The following NPAS3 variants were observed in gnomAD, a reference collection of about 807,000 sequenced individuals.
NPAS3 encodes neuronal PAS domain-containing protein 3.
A neutral mutation model predicts 73.1 loss-of-function variants in NPAS3; 14 were observed. That is an observed-to-expected ratio of 0.19 (90% confidence interval 0.13 to 0.30). NPAS3 has a LOEUF of 0.30. Ranked by LOEUF, NPAS3 falls within the 10% of genes least tolerant of loss-of-function variation. The pLI is 1.00. For synonymous variants in NPAS3, 620 were observed against 541.5 expected (o/e 1.14, Z -2.01); for missense variants, 1,096 against 1,250.0 (o/e 0.88, Z 1.86).
intron 4 of NPAS3, among the ~76,000 whole-genome samples, chr14:33,499,724 C>A (rs1162749371): frequency 6.6e-6 from 1 of 151,962 alleles, no homozygotes; most frequent in Non-Finnish European, 1.5e-5. Context: ...TGATGCCCAG[C>A]CCTCTGATAT....
At chr14:33,116,985 AC>A (rs1160096560) in intron 2 of NPAS3, among the ~76,000 whole-genome samples, 1 of 152,138 alleles carries the variant, frequency 6.6e-6, no homozygotes, top group African/African-American at 2.4e-5. Flanking sequence ...TTGCTTTGTA[AC>A]AGAATATCAC....
chr14:33,660,523 G>T (rs1292217228), intron 5 of NPAS3, among the ~76,000 whole-genome samples: 7 of 152,120 alleles, frequency 4.6e-5, no homozygotes, highest in Non-Finnish European at 7.4e-5. Flanking sequence ...TTGCAAAAGG[G>T]TTTAATCAAC....
At chr14:33,543,989 A>ATATATATATATATC (rs1566988576) in intron 4 of NPAS3, among the ~76,000 whole-genome samples, 32 of 37,280 alleles carry the variant, frequency 8.6e-4, no homozygotes, top group Non-Finnish European at 1.3e-3. Flanking sequence ...ATATATATAT[A>ATATATATATATATC]TATATATATA....
At chr14:33,220,766 AT>A (rs1310835885) in intron 3 of NPAS3, among the ~76,000 whole-genome samples, 1 of 152,176 alleles carries the variant, frequency 6.6e-6, no homozygotes, top group Non-Finnish European at 1.5e-5. Context: ...AAAATATTAT[AT>A]ATAGCATTGC....
At chr14:33,707,325 G>A (rs930132556) in intron 6 of NPAS3, among the ~76,000 whole-genome samples, 1 of 139,778 alleles carries the variant, frequency 7.2e-6, no homozygotes, top group Non-Finnish European at 1.6e-5. Context: ...AAGAGCAGCT[G>A]GTTTCTTTTT....
intron 6 of NPAS3, among the ~76,000 whole-genome samples, chr14:33,679,577 G>C (rs4453377): frequency 2.8e-4 from 42 of 152,270 alleles, no homozygotes; most frequent in Middle Eastern, 3.4e-3. Context: ...GTGTAATTTA[G>C]TTGGGAAAGG....
intron 3 of NPAS3, among the ~76,000 whole-genome samples, chr14:33,220,363 T>C (rs1470363825): frequency 6.6e-6 from 1 of 152,092 alleles, no homozygotes; most frequent in Non-Finnish European, 1.5e-5. Context: ...ATTTTGGGAG[T>C]GAGTGCCAGG....
At chr14:33,518,866 G>A (rs559872402) in intron 4 of NPAS3, among the ~76,000 whole-genome samples, 1 of 152,196 alleles carries the variant, frequency 6.6e-6, no homozygotes, top group East Asian at 1.9e-4. Flanking sequence ...CAGGAGGGTA[G>A]GAGCTATATT....
At chr14:33,118,013 A>C (rs912021004) in intron 2 of NPAS3, among the ~76,000 whole-genome samples, 1 of 152,076 alleles carries the variant, frequency 6.6e-6, no homozygotes, top group African/African-American at 2.4e-5. Context: ...TATTTCATCA[A>C]GGTCAATGTT....
At chr14:33,509,603 C>T (rs541512468) in intron 4 of NPAS3, among the ~76,000 whole-genome samples, 2 of 152,088 alleles carry the variant, frequency 1.3e-5, no homozygotes, top group African/African-American at 4.8e-5. Context: ...GTGCATTAGG[C>T]TCAGTTAAGG....
At chr14:33,158,194 A>T (rs919774370) in intron 2 of NPAS3, among the ~76,000 whole-genome samples, 1 of 152,198 alleles carries the variant, frequency 6.6e-6, no homozygotes, top group African/African-American at 2.4e-5. Context: ...ACTGTGGTTG[A>T]TCTTTGTTAA....
intron 1 of NPAS3, among the ~76,000 whole-genome samples, chr14:33,054,385 G>A (rs2040810725): frequency 6.6e-6 from 1 of 152,140 alleles, no homozygotes. Context: ...AGAATTTAAT[G>A]AGAGATTTGA....
At chr14:33,698,890 T>A (rs143973899) in intron 6 of NPAS3, among the ~76,000 whole-genome samples, 2 of 152,338 alleles carry the variant, frequency 1.3e-5, no homozygotes, top group East Asian at 3.9e-4. Context: ...ATGCTGAGGA[T>A]GTACATGTCC....
At chr14:33,266,204 G>C (rs113820063) in intron 3 of NPAS3, among the ~76,000 whole-genome samples, 2 of 152,228 alleles carry the variant, frequency 1.3e-5, no homozygotes, top group Admixed American at 6.5e-5. Flanking sequence ...CAATGTAAAG[G>C]ATGAGTTTAA....
At chr14:33,375,033 G>A (rs1234024408) in intron 4 of NPAS3, among the ~76,000 whole-genome samples, 1 of 152,000 alleles carries the variant, frequency 6.6e-6, no homozygotes, top group African/African-American at 2.4e-5. Flanking sequence ...TACATAAAAT[G>A]ATCATCTCTA....
intron 3 of NPAS3, among the ~76,000 whole-genome samples, chr14:33,264,214 T>C (rs886826907): frequency 5.9e-5 from 9 of 151,890 alleles, no homozygotes; most frequent in Admixed American, 6.6e-5. Context: ...TAGGTGAGAA[T>C]TGAACAGTGA....
intron 4 of NPAS3, among the ~76,000 whole-genome samples, chr14:33,386,302 T>C (rs1467425897): frequency 2.0e-5 from 3 of 152,214 alleles, no homozygotes; most frequent in Non-Finnish European, 4.4e-5. Context: ...AAGTACTTTT[T>C]TATCTCATCA....
chr14:33,077,067 G>A (rs1445884114), intron 2 of NPAS3, among the ~76,000 whole-genome samples: 1 of 152,176 alleles, frequency 6.6e-6, no homozygotes, highest in Middle Eastern at 3.2e-3. Flanking sequence ...GGTGAAACGG[G>A]CAAAGGTATG....
At chr14:33,801,283 A>C, downstream of NPAS3, 1 of 1,342,398 alleles carries the variant, frequency 7.4e-7, no homozygotes, top group Non-Finnish European at 9.8e-7. Flanking sequence ...TTTCGTGTAA[A>C]GATATGTTTA....
Sources: allele counts gnomAD v4.1 joint callset (sites outside exome capture counted in the v4.1 genomes callset), GRCh38; gene constraint gnomAD v4.1.1; transcripts MANE v1.5; gene names NCBI Gene and HGNC (gene_info 2026-07-23, HGNC 2026-07-21).